Variants in QTMAN observed in about 807,000 individuals in gnomAD.
QTMAN encodes queuosine-tRNA mannosyltransferase.
chr2:144,057,513 A>C, the QTMAN span, among the ~76,000 whole-genome samples: 6 of 152,152 alleles, frequency 3.9e-5, no homozygotes, highest in African/African-American at 1.4e-4. Flanking sequence ...CTGACCACTT[A>C]TCTCTCATAT....
the QTMAN span, among the ~76,000 whole-genome samples, chr2:143,985,751 A>G: frequency 1.3e-5 from 2 of 151,910 alleles, no homozygotes; most frequent in African/African-American, 2.4e-5. Flanking sequence ...AGAGAGCAGT[A>G]TGTATTTAAG....
the QTMAN span, among the ~76,000 whole-genome samples, chr2:144,041,335 G>A: frequency 2.1e-3 from 317 of 152,254 alleles, 1 homozygote; most frequent in African/African-American, 7.2e-3. Flanking sequence ...AAGAAATGGC[G>A]TCATCACTGA....
At chr2:143,970,817 A>G in the QTMAN span, 2 of 1,005,298 alleles carry the variant, frequency 2.0e-6, no homozygotes, top group Non-Finnish European at 1.6e-6. Flanking sequence ...TGTGTTAGGA[A>G]AAGTGGTTTC....
chr2:143,999,796 C>T, the QTMAN span, among the ~76,000 whole-genome samples: 1 of 152,192 alleles, frequency 6.6e-6, no homozygotes, highest in African/African-American at 2.4e-5. Context: ...AATGAAACAG[C>T]GTCTTTTGCA....
At chr2:144,019,115 A>G in the QTMAN span, among the ~76,000 whole-genome samples, 1 of 152,122 alleles carries the variant, frequency 6.6e-6, no homozygotes, top group Admixed American at 6.5e-5. Flanking sequence ...AAAAATAAGC[A>G]GGGAGAGGCC....
At chr2:144,030,267 T>C in the QTMAN span, among the ~76,000 whole-genome samples, 2 of 152,170 alleles carry the variant, frequency 1.3e-5, no homozygotes, top group East Asian at 3.9e-4. Context: ...TTGGGACAAA[T>C]TCTCCATATT....
chr2:143,947,910 G>A, the QTMAN span, among the ~76,000 whole-genome samples: 1 of 151,886 alleles, frequency 6.6e-6, no homozygotes, highest in Non-Finnish European at 1.5e-5. Context: ...GGGAAGGGAG[G>A]GAAAGGCAGA....
chr2:144,275,779 G>T, the QTMAN span, among the ~76,000 whole-genome samples: 2 of 152,022 alleles, frequency 1.3e-5, no homozygotes, highest in Non-Finnish European at 2.9e-5. Context: ...CGTTTACTTG[G>T]CTGTTATTTT....
At chr2:144,174,866 A>C in the QTMAN span, among the ~76,000 whole-genome samples, 1 of 152,196 alleles carries the variant, frequency 6.6e-6, no homozygotes. Flanking sequence ...TAAATTACCC[A>C]GTCTCAGGTA....
At chr2:144,242,264 C>T in the QTMAN span, among the ~76,000 whole-genome samples, 1 of 151,704 alleles carries the variant, frequency 6.6e-6, no homozygotes, top group Admixed American at 6.6e-5. Context: ...AAAATCAAGT[C>T]ATAGGAACTT....
chr2:144,321,794 G>C, the QTMAN span, among the ~76,000 whole-genome samples: 1 of 151,942 alleles, frequency 6.6e-6, no homozygotes, highest in Non-Finnish European at 1.5e-5. Flanking sequence ...TTTTTGTAGA[G>C]ATGGGGTCTG....
the QTMAN span, among the ~76,000 whole-genome samples, chr2:144,133,161 AATAT>A: frequency 1.5e-5 from 1 of 67,908 alleles, no homozygotes; most frequent in African/African-American, 7.6e-5. Flanking sequence ...AATATAATAT[AATAT>A]ATATATAAAT....
At chr2:144,282,982 C>CA in the QTMAN span, among the ~76,000 whole-genome samples, 1 of 152,224 alleles carries the variant, frequency 6.6e-6, no homozygotes, top group East Asian at 1.9e-4. Flanking sequence ...GGCACACCCC[C>CA]AGTCCAGAGG....
At chr2:143,947,575 A>G in the QTMAN span, among the ~76,000 whole-genome samples, 1 of 152,204 alleles carries the variant, frequency 6.6e-6, no homozygotes, top group African/African-American at 2.4e-5. Flanking sequence ...GTGAAATTTA[A>G]AAAGTGCTTC....
At chr2:144,080,812 C>A in the QTMAN span, among the ~76,000 whole-genome samples, 1 of 152,114 alleles carries the variant, frequency 6.6e-6, no homozygotes, top group Non-Finnish European at 1.5e-5. Flanking sequence ...GAAATTCTGG[C>A]AGAGAAACTT....
chr2:144,012,706 G>C, the QTMAN span, among the ~76,000 whole-genome samples: 1 of 152,012 alleles, frequency 6.6e-6, no homozygotes, highest in Non-Finnish European at 1.5e-5. Flanking sequence ...AATGCCCAAG[G>C]GTAAAAGTCC....
the QTMAN span, among the ~76,000 whole-genome samples, chr2:144,046,317 T>C: frequency 6.6e-6 from 1 of 152,242 alleles, no homozygotes; most frequent in Non-Finnish European, 1.5e-5. Flanking sequence ...ATAGTAAAGG[T>C]TAATAAACTA....
chr2:144,139,789 T>C, the QTMAN span, among the ~76,000 whole-genome samples: 2 of 152,000 alleles, frequency 1.3e-5, no homozygotes, highest in Non-Finnish European at 2.9e-5. Flanking sequence ...AAAATCTTCA[T>C]TTATTTTGTT....
chr2:144,322,400 GAC>G, the QTMAN span, among the ~76,000 whole-genome samples: 1 of 151,990 alleles, frequency 6.6e-6, no homozygotes. Flanking sequence ...TATGTAATAA[GAC>G]AATACATTTT....
Sources: allele counts gnomAD v4.1 joint callset (sites outside exome capture counted in the v4.1 genomes callset), GRCh38; gene constraint gnomAD v4.1.1; transcripts MANE v1.5; gene names NCBI Gene and HGNC (gene_info 2026-07-23, HGNC 2026-07-21).